Variants in PDE7A observed in about 807,000 individuals in gnomAD.
PDE7A encodes the protein phosphodiesterase 7A.
In PDE7A, 39 loss-of-function variants were observed where a neutral mutation model predicts 64.3. That is an observed-to-expected ratio of 0.61 (90% CI 0.47 to 0.79). PDE7A has a LOEUF of 0.79. Ranked by LOEUF, PDE7A falls within the 30% of genes least tolerant of loss-of-function variation. The pLI is 0.00. For missense variants in PDE7A, 470 were observed against 582.8 expected, an observed-to-expected ratio of 0.81 and a Z score of 1.99; for synonymous variants, 203 against 206.8, an observed-to-expected ratio of 0.98 and a Z score of 0.16.
intron 1 of PDE7A, among the ~76,000 whole-genome samples, chr8:65,798,849 A>G (rs1366929034): frequency 6.6e-6 from 1 of 152,246 alleles, no homozygotes; most frequent in Non-Finnish European, 1.5e-5. Flanking sequence ...CAACATAAGC[A>G]TTCATCAACT....
intron 1 of PDE7A, among the ~76,000 whole-genome samples, chr8:65,833,016 G>T (rs1810870110): frequency 1.3e-5 from 2 of 152,204 alleles, no homozygotes; most frequent in Non-Finnish European, 2.9e-5. Flanking sequence ...ACAAATGACA[G>T]CTTTAAACTT....
At chr8:65,838,591 T>TAAAAAC (rs1019258268) in intron 1 of PDE7A, 1 of 152,192 alleles carries the variant, frequency 6.6e-6, no homozygotes, top group Non-Finnish European at 1.5e-5. Flanking sequence ...GAAATCTTTT[T>TAAAAAC]AAAAACAAAA....
intron 5 of PDE7A, among the ~76,000 whole-genome samples, chr8:65,744,237 A>T (rs1480859521): frequency 1.3e-5 from 2 of 151,990 alleles, no homozygotes; most frequent in Non-Finnish European, 2.9e-5. Flanking sequence ...AAACAAAACA[A>T]CAAAAAAAAA....
chr8:65,797,441 A>C (rs1442281593), intron 1 of PDE7A, among the ~76,000 whole-genome samples: 1 of 152,130 alleles, frequency 6.6e-6, no homozygotes, highest in Non-Finnish European at 1.5e-5. Context: ...AAGGATTGCT[A>C]TCAACCACTA....
chr8:65,823,180 G>A (rs1810583856), intron 1 of PDE7A, among the ~76,000 whole-genome samples: 1 of 151,976 alleles, frequency 6.6e-6, no homozygotes, highest in Non-Finnish European at 1.5e-5. Context: ...CCTCTAAAAA[G>A]TTTGAAAAAC....
At chr8:65,749,417 T>C (rs1171495272) in intron 3 of PDE7A, among the ~76,000 whole-genome samples, 1 of 152,246 alleles carries the variant, frequency 6.6e-6, no homozygotes, top group Non-Finnish European at 1.5e-5. Context: ...CCATTTTTCA[T>C]TCCAGTGAGT....
At chr8:65,797,099 T>C (rs1167152931) in intron 1 of PDE7A, among the ~76,000 whole-genome samples, 1 of 152,122 alleles carries the variant, frequency 6.6e-6, no homozygotes, top group Non-Finnish European at 1.5e-5. Flanking sequence ...AAACATAAAA[T>C]ACTTATGGAT....
At chr8:65,806,660 G>C (rs1460527780) in intron 1 of PDE7A, among the ~76,000 whole-genome samples, 2 of 152,240 alleles carry the variant, frequency 1.3e-5, no homozygotes, top group Non-Finnish European at 2.9e-5. Context: ...GCATGTAAGT[G>C]AATGTTCCAT....
In PDE7A at chr8:65,723,594, C is replaced by T. The variant is rs1235127156; in HGVS notation, c.1190G>A (p.Gly397Asp). 2 of 1,574,974 alleles carry T rather than the reference C, an allele frequency of 1.3e-6. No individual in the cohort carries two copies. The highest frequency in any genetic ancestry group is 1.9e-5 in the Admixed American group (1 of 53,520). ...GTGACGATCGCAAAGTGGACTCACACCCAAATGATATTTTTTTTCTATATC... is the reference window on the plus strand; with the variant it reads ...GTGACGATCGCAAAGTGGACTCACATCCAAATGATATTTTTTTTCTATATC... The part of the protein sequence containing the change: ...QGDIEKKYHL[G>D]VSPLCDRHTE... The change falls in exon 12 of 13, where the codon GGT (glycine) becomes GAT (aspartate). Residue 397 changes from glycine (G) to aspartate (D), a missense_variant. Transcript: ENST00000401827.
At chr8:65,833,544 G>A (rs1810881568) in intron 1 of PDE7A, among the ~76,000 whole-genome samples, 1 of 152,170 alleles carries the variant, frequency 6.6e-6, no homozygotes, top group Admixed American at 6.5e-5. Flanking sequence ...AGGTCTTGGA[G>A]CACAACAGGC....
chr8:65,823,343 A>G lies in PDE7A; in HGVS notation c.138+18028T>C, dbSNP rs115493380. Among the ~76,000 whole-genome samples, 420 of 152,312 alleles carry G rather than the reference A, an allele frequency of 2.8e-3. 1 individual carries two copies. Among genetic ancestry groups the G allele is most frequent in the African/African-American group, 9.8e-3 (408 of 41,574 alleles). The stretch of plus-strand genomic sequence containing the variant: ...ATGATGTTTCTACAGATTGCAGGTA[A>G]TCTATGTTCTGCTTTTACCTTCAAA... On this transcript the variant is annotated intron_variant, in intron 1 of 12. Coordinates refer to ENST00000401827, the MANE Select transcript of PDE7A (RefSeq NM_001242318.3).
chr8:65,811,279 G>A (rs983408606), intron 1 of PDE7A, among the ~76,000 whole-genome samples: 33 of 152,154 alleles, frequency 2.2e-4, no homozygotes, highest in African/African-American at 8.0e-4. Context: ...CAGCACCCAG[G>A]GGCTAGCAAT....
At chr8:65,764,938 A>G (rs1393047379) in intron 3 of PDE7A, among the ~76,000 whole-genome samples, 1 of 152,212 alleles carries the variant, frequency 6.6e-6, no homozygotes, top group African/African-American at 2.4e-5. Flanking sequence ...GTTAATACAG[A>G]TTATATGGAG....
chr8:65,792,267 TAAG>T (rs1173894232), intron 1 of PDE7A, among the ~76,000 whole-genome samples: 1 of 152,178 alleles, frequency 6.6e-6, no homozygotes, highest in Non-Finnish European at 1.5e-5. Context: ...TTTGATACTA[TAAG>T]AAGAAAGTAT....
intron 6 of PDE7A, among the ~76,000 whole-genome samples, chr8:65,735,953 T>C (rs1807111834): frequency 6.6e-6 from 1 of 152,128 alleles, no homozygotes; most frequent in African/African-American, 2.4e-5. Context: ...ATATTTTTAG[T>C]ATAGTAGTCC....
chr8:65,827,511 C>T (rs1278052257), intron 1 of PDE7A, among the ~76,000 whole-genome samples: 2 of 152,114 alleles, frequency 1.3e-5, no homozygotes, highest in Non-Finnish European at 2.9e-5. Context: ...ATAACACTCA[C>T]TTTAATTTTC....
Position 65,715,409 on chromosome 8 carries a change from G to T in PDE7A, c.*3881C>A, listed in dbSNP as rs183198614. ...TTTTTTTTTTTTGAGACAGAGTCTT[G>T]CTCTGTCACCTAGGCTGGAGTGCAG... On this transcript the variant is annotated 3_prime_UTR_variant, in exon 13 of 13. Coordinates refer to ENST00000401827, the MANE Select transcript of PDE7A (RefSeq NM_001242318.3). Among the ~76,000 whole-genome samples the T allele has an allele frequency of 4.5e-4, 66 of 145,420 alleles. 1 individual carries two copies. Among genetic ancestry groups the T allele is most frequent in the African/African-American group, 1.6e-3 (61 of 39,192 alleles).
intron 5 of PDE7A, among the ~76,000 whole-genome samples, chr8:65,740,168 T>TG (rs1289158700): frequency 3.5e-3 from 233 of 66,584 alleles, no homozygotes; most frequent in Middle Eastern, 8.1e-3. Flanking sequence ...GAGAGTTGCT[T>TG]GGGGGGGTGG....
chr8:65,795,239 A>C (rs1809807792), intron 1 of PDE7A, among the ~76,000 whole-genome samples: 1 of 152,222 alleles, frequency 6.6e-6, no homozygotes, highest in African/African-American at 2.4e-5. Flanking sequence ...AACCAAGGTA[A>C]GCCCTAACAT....
Sources: gnomAD v4.1 joint callset for allele counts (sites outside exome capture counted in the v4.1 genomes callset) on GRCh38, gnomAD v4.1.1 for gene constraint, MANE v1.5 for transcripts, NCBI Gene and HGNC (gene_info 2026-07-23, HGNC 2026-07-21) for gene names.